Variants in CDC73 observed in about 807,000 individuals in gnomAD.
CDC73 encodes parafibromin.
CDC73 carries 21 observed loss-of-function variants against 83.7 expected under a neutral mutation model. The ratio of observed to expected loss-of-function variants is 0.25; its 90% CI spans 0.18 to 0.36. CDC73 has a LOEUF of 0.36. CDC73 is among the 10% of genes least tolerant of loss of function. The pLI is 1.00. For synonymous variants in CDC73, 224 were observed against 212.9 expected (o/e 1.05, Z -0.45); for missense variants, 342 against 653.3 (o/e 0.52, Z 5.19).
chr1:193,146,212 C>CTT (rs1235944928), intron 7 of CDC73, among the ~76,000 whole-genome samples: 1 of 152,074 alleles, frequency 6.6e-6, no homozygotes, highest in East Asian at 1.9e-4. Context: ...AGAGTAGATT[C>CTT]TTACTACATA....
chr1:193,241,521 T>G (rs192149598), intron 15 of CDC73, among the ~76,000 whole-genome samples: 1 of 152,266 alleles, frequency 6.6e-6, no homozygotes, highest in Non-Finnish European at 1.5e-5. Context: ...CAGGTCAAGT[T>G]TCTGGGCAGT....
In CDC73 at chr1:193,126,726, A is replaced by G. The variant is rs868802603; in HGVS notation, c.237+1509A>G. Among the ~76,000 whole-genome samples, 50 of 152,332 alleles carry G rather than the reference A, an allele frequency of 3.3e-4. 1 individual carries two copies. The highest frequency in any genetic ancestry group is 1.7e-3 in the South Asian group (8 of 4,830). On this transcript the variant is annotated intron_variant, in intron 2 of 16. Coordinates refer to ENST00000367435, the MANE Select transcript of CDC73 (RefSeq NM_024529.5). Reference sequence around the variant, plus strand: ...GTATGAAATGTATTTATAAATAACTACTTTTTCCCATTTCTTATAGTTCTT... The same window carrying G: ...GTATGAAATGTATTTATAAATAACTGCTTTTTCCCATTTCTTATAGTTCTT...
chr1:193,209,246 C>T (rs1052650013), intron 11 of CDC73, among the ~76,000 whole-genome samples: 2 of 152,170 alleles, frequency 1.3e-5, no homozygotes, highest in African/African-American at 4.8e-5. Flanking sequence ...TGTAAATTGG[C>T]AATTAGCACA....
chr1:193,245,833 T>C (rs1008119228), intron 15 of CDC73, among the ~76,000 whole-genome samples: 23 of 152,148 alleles, frequency 1.5e-4, no homozygotes, highest in African/African-American at 5.5e-4. Context: ...CCATCCTAAC[T>C]GGAGTGAGAT....
intron 10 of CDC73, among the ~76,000 whole-genome samples, chr1:193,201,974 G>A (rs192813778): frequency 1.6e-4 from 24 of 152,146 alleles, no homozygotes; most frequent in Admixed American, 1.2e-3. Context: ...CCAGACTCAT[G>A]GTTAAATGTG....
intron 10 of CDC73, among the ~76,000 whole-genome samples, chr1:193,189,093 A>T (rs1446773129): frequency 6.6e-6 from 1 of 151,790 alleles, no homozygotes; most frequent in East Asian, 1.9e-4. Flanking sequence ...ACCTGGGATT[A>T]CAGGCGTGTG....
chr1:193,195,568 C>G (rs1676989223), intron 10 of CDC73, among the ~76,000 whole-genome samples: 1 of 152,054 alleles, frequency 6.6e-6, no homozygotes. Flanking sequence ...TTTTGGAGTA[C>G]CATCATACAC....
chr1:193,225,369 C>G (rs938724616), intron 13 of CDC73, among the ~76,000 whole-genome samples: 1 of 151,770 alleles, frequency 6.6e-6, no homozygotes, highest in African/African-American at 2.4e-5. Flanking sequence ...TGTAAACATG[C>G]GTGTGCAGGT....
intron 15 of CDC73, among the ~76,000 whole-genome samples, chr1:193,242,809 C>T (rs1677885401): frequency 6.6e-6 from 1 of 152,064 alleles, no homozygotes; most frequent in African/African-American, 2.4e-5. Context: ...GTTGCTTTCC[C>T]CAAAAAATGT....
intron 10 of CDC73, chr1:193,181,050 C>T: frequency 3.1e-6 from 5 of 1,613,824 alleles, no homozygotes; most frequent in Non-Finnish European, 4.2e-6. Flanking sequence ...CCCAAGTTTG[C>T]CGAATAGCTC....
intron 14 of CDC73, among the ~76,000 whole-genome samples, chr1:193,234,220 C>CAT (rs1284926600): frequency 0.015 from 479 of 31,624 alleles, 3 homozygotes; most frequent in East Asian, 0.049. Flanking sequence ...CACACACACA[C>CAT]ATATATATAT....
intron 10 of CDC73, among the ~76,000 whole-genome samples, chr1:193,175,834 C>T (rs147297373): frequency 3.3e-5 from 5 of 152,274 alleles, no homozygotes; most frequent in Admixed American, 3.3e-4. Context: ...TATAATTGTA[C>T]TCTAAATTAG....
rs1467021185 is a variant in CDC73 at position 193,251,413 on chromosome 1, C to CA, written c.*702dup. 4 of 231,870 alleles carry CA rather than the reference C, an allele frequency of 1.7e-5. No individual in the cohort carries two copies. In the East Asian group the frequency reaches 2.4e-4, roughly 14 times the overall value. The allele number at this position is 231,870 out of a possible 1,614,324, so 14.4% of individuals were successfully genotyped here. Reference sequence around the variant, plus strand: ...TCCATTTGAAAAAAATCTCAAAACACAGATTAAAACCACAATAGGCTGTAG... The same window carrying CA: ...TCCATTTGAAAAAAATCTCAAAACACAAGATTAAAACCACAATAGGCTGTAG... On this transcript the variant is annotated 3_prime_UTR_variant, in exon 17 of 17. Coordinates refer to ENST00000367435, the MANE Select transcript of CDC73 (RefSeq NM_024529.5).
intron 14 of CDC73, 119 bp downstream of exon 14, chr1:193,233,273 C>T (rs1006842147): frequency 4.4e-6 from 4 of 907,794 alleles, no homozygotes; most frequent in Non-Finnish European, 7.2e-6. Flanking sequence ...GTTGCCTAGG[C>T]AGAACTTGAA....
At chr1:193,205,477 G>T (rs1404832400) in intron 11 of CDC73, among the ~76,000 whole-genome samples, 3 of 151,978 alleles carry the variant, frequency 2.0e-5, no homozygotes, top group Non-Finnish European at 4.4e-5. Flanking sequence ...ATTTCCCTGT[G>T]TCTTGTATTC....
rs867050348 is a variant in CDC73 at position 193,191,262 on chromosome 1, A to G, written c.973-12533A>G. Among the ~76,000 whole-genome samples, 15 of 152,194 alleles carry G rather than the reference A, an allele frequency of 9.9e-5. No individual in the cohort carries two copies. The South Asian group carries it at 1.4e-3, about 15-fold the overall frequency. ...ATTTGAGTCACCAATATACCAGTCT[A>G]TGGGCATTTGTAATTGTTACATTCA... On this transcript the variant is annotated intron_variant, in intron 10 of 16. Coordinates refer to ENST00000367435, the MANE Select transcript of CDC73 (RefSeq NM_024529.5).
intron 15 of CDC73, among the ~76,000 whole-genome samples, chr1:193,246,505 A>C (rs1428505904): frequency 6.6e-6 from 1 of 152,126 alleles, no homozygotes; most frequent in Non-Finnish European, 1.5e-5. Context: ...CAAAATCATC[A>C]TACAAAAACC....
intron 15 of CDC73, among the ~76,000 whole-genome samples, chr1:193,239,133 C>A (rs1033615572): frequency 1.3e-5 from 2 of 152,200 alleles, no homozygotes; most frequent in Non-Finnish European, 2.9e-5. Context: ...GAGATAACTT[C>A]TCTGTGATAT....
At chr1:193,193,639 C>G (rs997898182) in intron 10 of CDC73, among the ~76,000 whole-genome samples, 2 of 152,128 alleles carry the variant, frequency 1.3e-5, no homozygotes, top group African/African-American at 4.8e-5. Flanking sequence ...TAATTATTTG[C>G]TAATGAACAT....
Sources: gnomAD v4.1 joint callset for allele counts (sites outside exome capture counted in the v4.1 genomes callset) on GRCh38, gnomAD v4.1.1 for gene constraint, MANE v1.5 for transcripts, NCBI Gene and HGNC (gene_info 2026-07-23, HGNC 2026-07-21) for gene names.